NAAA: variants seen among roughly 807,000 people sequenced by gnomAD.
NAAA encodes the protein N-acylethanolamine acid amidase.
A neutral mutation model predicts 44.8 loss-of-function variants in NAAA; 39 were observed. The ratio of observed to expected loss-of-function variants is 0.87; its 90% CI spans 0.67 to 1.14. NAAA has a LOEUF of 1.14. Ranked by LOEUF, NAAA falls within the 50% of genes most tolerant of loss-of-function variation. NAAA has a pLI of 0.00. For synonymous variants in NAAA, 178 were observed against 191.3 expected, an observed-to-expected ratio of 0.93 and a Z score of 0.58; for missense variants, 460 against 467.8, an observed-to-expected ratio of 0.98 and a Z score of 0.15.
intron 4 of NAAA, 79 bp downstream of exon 4, chr4:75,931,135 G>A (rs1727190118): frequency 6.9e-6 from 8 of 1,152,140 alleles, no homozygotes; most frequent in Middle Eastern, 4.0e-4. Context: ...TGTATATTCT[G>A]TTGGGTGAGT....
chr4:75,929,013 C>G (rs967676719), intron 4 of NAAA, among the ~76,000 whole-genome samples: 4 of 151,314 alleles, frequency 2.6e-5, no homozygotes, highest in African/African-American at 7.3e-5. Context: ...AGGATGGTCT[C>G]AATCTCCTGA....
At chr4:75,911,290 G>A, downstream of NAAA, 2 of 514,154 alleles carry the variant, frequency 3.9e-6, no homozygotes, top group Admixed American at 4.5e-5. Flanking sequence ...CAGGTCACAG[G>A]GCATATGATG....
chr4:75,936,943 T>G (rs779840324), intron 2 of NAAA, among the ~76,000 whole-genome samples: 94 of 152,222 alleles, frequency 6.2e-4, no homozygotes, highest in Non-Finnish European at 1.3e-3. Context: ...AATATGTATA[T>G]CCACATGAAC....
chr4:75,917,209 G>T, intron 9 of NAAA: 1 of 441,888 alleles, frequency 2.3e-6, no homozygotes, highest in Non-Finnish European at 3.0e-6. Flanking sequence ...ACAGTCAATA[G>T]TGCATTGGAG....
At chr4:75,927,445 A>G (rs541893554) in intron 4 of NAAA, among the ~76,000 whole-genome samples, 1 of 151,948 alleles carries the variant, frequency 6.6e-6, no homozygotes, top group Non-Finnish European at 1.5e-5. Context: ...ACTCTGTCTT[A>G]AGAAAACAGA....
At chr4:75,911,511 T>A (rs1725322444), downstream of NAAA, among the ~76,000 whole-genome samples, 1 of 151,986 alleles carries the variant, frequency 6.6e-6, no homozygotes, top group Admixed American at 6.6e-5. Context: ...AGCTGGGGGC[T>A]AAGGAAGGGG....
intron 5 of NAAA, among the ~76,000 whole-genome samples, chr4:75,922,733 T>C (rs72651373): frequency 0.039 from 5,938 of 152,340 alleles, 154 homozygotes; most frequent in Middle Eastern, 0.12. Context: ...CTTTTGTGAG[T>C]TGACTTTTCA....
intron 5 of NAAA, among the ~76,000 whole-genome samples, chr4:75,922,901 TAAA>T (rs1726307216): frequency 6.6e-6 from 1 of 152,056 alleles, no homozygotes; most frequent in Non-Finnish European, 1.5e-5. Context: ...AGAACATCCA[TAAA>T]AAATACTGAA....
rs1578058754 is a variant in NAAA, at chr4:75,925,649, C to T, written c.666+86G>A. On this transcript the variant is annotated intron_variant, in intron 5 of 10. Coordinates refer to ENST00000286733, the MANE Select transcript of NAAA (RefSeq NM_014435.4). ...GCTTATTCTTTTAAGGAGCTCCTTACATTAAAAGCAACATTGTTAAATGAC... is the reference window on the plus strand; with the variant it reads ...GCTTATTCTTTTAAGGAGCTCCTTATATTAAAAGCAACATTGTTAAATGAC... 5.5e-6 allele frequency: 7 copies of T among 1,283,226 alleles called. No individual in the cohort carries two copies. In the East Asian group the frequency reaches 1.6e-4, roughly 30 times the overall value. The allele number at this position is 1,283,226 out of a possible 1,614,324, so 79.5% of individuals were successfully genotyped here.
At chr4:75,930,751 C>G (rs1294057228) in intron 4 of NAAA, among the ~76,000 whole-genome samples, 1 of 152,216 alleles carries the variant, frequency 6.6e-6, no homozygotes, top group Admixed American at 6.5e-5. Flanking sequence ...GGCCCTGCAC[C>G]ATGGCCTCAG....
chr4:75,929,129 C>T (rs1267101973), intron 4 of NAAA, among the ~76,000 whole-genome samples: 1 of 152,154 alleles, frequency 6.6e-6, no homozygotes, highest in Admixed American at 6.5e-5. Context: ...GAAGCACCGA[C>T]AGGTTAAACT....
At chr4:75,938,320 T>C (rs1324969065) in intron 2 of NAAA, among the ~76,000 whole-genome samples, 1 of 152,220 alleles carries the variant, frequency 6.6e-6, no homozygotes, top group Admixed American at 6.5e-5. Flanking sequence ...TTAGAATGTT[T>C]TTACTAGAAC....
At chr4:75,912,532 T>C (rs562491546), downstream of NAAA, among the ~76,000 whole-genome samples, 65 of 142,692 alleles carry the variant, frequency 4.6e-4, no homozygotes, top group African/African-American at 1.7e-3. Context: ...CCAGCCTGGG[T>C]GACAGAGGGA....
chr4:75,939,886 A>G (rs2149294034), intron 2 of NAAA, 115 bp downstream of exon 2: 1 of 1,224,736 alleles, frequency 8.2e-7, no homozygotes, highest in Non-Finnish European at 1.2e-6. Context: ...GGAGGTTTCT[A>G]GGCAAGCAGG....
chr4:75,926,286 T>C (rs6824910), intron 4 of NAAA, among the ~76,000 whole-genome samples: 44,580 of 151,714 alleles, frequency 0.29, 6,699 homozygotes, highest in East Asian at 0.43. Context: ...ATTAGCCAGG[T>C]GTGGTGACTC....
chr4:75,913,377 C>G (rs566803531), downstream of NAAA, among the ~76,000 whole-genome samples: 1 of 152,104 alleles, frequency 6.6e-6, no homozygotes, highest in South Asian at 2.1e-4. Context: ...ACTGGTGTTT[C>G]TTTTTCCCGG....
downstream of NAAA, among the ~76,000 whole-genome samples, chr4:75,912,283 G>A (rs1027587081): frequency 2.0e-5 from 3 of 151,528 alleles, no homozygotes; most frequent in Non-Finnish European, 4.4e-5. Context: ...GGCTGGGCGC[G>A]GTGGCTCACG....
Position 75,914,915 on chromosome 4 carries a change from T to G in NAAA, c.1069A>C (p.Ser357Arg). The G allele has an allele frequency of 6.2e-7, 1 of 1,614,082 alleles. No individual in the cohort carries two copies. Residue 357 changes from serine to arginine, a missense_variant, in exon 10 of 11, where the codon AGT (serine) becomes CGT (arginine). Physicochemically the swap from Ser to Arg is moderately radical, Grantham distance 110. Coordinates refer to ENST00000286733, the MANE Select transcript of NAAA (RefSeq NM_014435.4). ...GCTCTTCTGCTGACTTACTTTCTAC[T>G]CGGGTTTCTGATCCTAGTCATGTAC... The part of the protein sequence containing the change: ...DKYMTRIRNP[S>R]RK
At chr4:75,923,916 G>A (rs1279905308) in intron 5 of NAAA, among the ~76,000 whole-genome samples, 1 of 152,164 alleles carries the variant, frequency 6.6e-6, no homozygotes, top group Admixed American at 6.5e-5. Flanking sequence ...GAATCCATCA[G>A]CATAATAAAA....
Sources: gnomAD v4.1 joint callset for allele counts (sites outside exome capture counted in the v4.1 genomes callset) on GRCh38, gnomAD v4.1.1 for gene constraint, MANE v1.5 for transcripts, NCBI Gene and HGNC (gene_info 2026-07-23, HGNC 2026-07-21) for gene names.